The following NKAIN2 variants were observed in gnomAD, a reference collection of about 807,000 sequenced individuals.
The protein encoded by NKAIN2 is sodium/potassium-transporting ATPase subunit beta-1-interacting protein 2.
Under a neutral mutation model 32.6 loss-of-function variants are expected in NKAIN2, and 14 were observed. The observed-to-expected ratio is 0.43, with a 90% CI of 0.28 to 0.67. The LOEUF (loss-of-function observed/expected upper bound fraction) is 0.67, where lower values mean the gene tolerates loss of function less well. NKAIN2 is among the 30% of genes least tolerant of loss of function. The probability of loss-of-function intolerance (pLI) is 0.17; values close to 1 mark genes in which losing one functional copy is unlikely to be tolerated. For missense variants in NKAIN2, 198 were observed against 258.3 expected, an observed-to-expected ratio of 0.77 and a Z score of 1.60; for synonymous variants, 80 against 87.2, an observed-to-expected ratio of 0.92 and a Z score of 0.46.
intron 3 of NKAIN2, among the ~76,000 whole-genome samples, chr6:124,453,055 C>G (rs1371459234): frequency 6.6e-6 from 1 of 151,926 alleles, no homozygotes; most frequent in Non-Finnish European, 1.5e-5. Flanking sequence ...AGAACAGAGA[C>G]AGCATGGACA....
chr6:124,599,345 TA>T (rs950204148), intron 3 of NKAIN2, among the ~76,000 whole-genome samples: 65 of 151,834 alleles, frequency 4.3e-4, no homozygotes, highest in African/African-American at 1.5e-3. Flanking sequence ...ATCCTCTGTT[TA>T]AAAAAAAATC....
chr6:123,977,276 T>C (rs1778687844), intron 1 of NKAIN2, among the ~76,000 whole-genome samples: 1 of 152,168 alleles, frequency 6.6e-6, no homozygotes, highest in South Asian at 2.1e-4. Context: ...ATTTAAAAGG[T>C]GGTGTGTGCC....
At chr6:124,526,661 G>A (rs1049618069) in intron 3 of NKAIN2, among the ~76,000 whole-genome samples, 5 of 152,156 alleles carry the variant, frequency 3.3e-5, no homozygotes, top group African/African-American at 1.2e-4. Flanking sequence ...GAACCAGGAG[G>A]AAGCTGCAAG....
chr6:124,547,601 G>A (rs561108834), intron 3 of NKAIN2, among the ~76,000 whole-genome samples: 15 of 152,262 alleles, frequency 9.9e-5, no homozygotes, highest in African/African-American at 3.6e-4. Context: ...ACTGACATTT[G>A]AAATCACAGA....
chr6:124,582,408 C>T (rs1356750257), intron 3 of NKAIN2, among the ~76,000 whole-genome samples: 1 of 151,986 alleles, frequency 6.6e-6, no homozygotes, highest in Admixed American at 6.6e-5. Flanking sequence ...CAAGATTGAA[C>T]CAGGAAGAAA....
At position 124,742,198 on chromosome 6, in the gene NKAIN2, T is replaced by TA. The variant is rs1046657109; in HGVS notation, c.475-49135dup. On this transcript the variant is annotated intron_variant, in intron 4 of 6. Coordinates refer to ENST00000368417, the MANE Select transcript of NKAIN2 (RefSeq NM_001040214.3). Reference sequence around the variant, plus strand: ...GGTTACAGGGTACCCAGATAGAGGGTAAAAAACATTATTTCTGGATATGTC... The same window carrying TA: ...GGTTACAGGGTACCCAGATAGAGGGTAAAAAAACATTATTTCTGGATATGTC... Among the ~76,000 whole-genome samples, 8 of 151,804 alleles carry TA rather than the reference T, an allele frequency of 5.3e-5. No homozygotes were observed. The South Asian group carries it at 6.2e-4, about 12-fold the overall frequency.
intron 4 of NKAIN2, among the ~76,000 whole-genome samples, chr6:124,741,458 A>C (rs749011289): frequency 7.9e-5 from 12 of 152,008 alleles, no homozygotes; most frequent in East Asian, 1.9e-4. Flanking sequence ...TGAGTATTGA[A>C]GATGAATGCT....
At chr6:124,784,195 T>C (rs1779399706) in intron 4 of NKAIN2, among the ~76,000 whole-genome samples, 1 of 152,174 alleles carries the variant, frequency 6.6e-6, no homozygotes, top group Non-Finnish European at 1.5e-5. Flanking sequence ...ATAGATCATA[T>C]GCAATTATAT....
At chr6:123,853,465 CAAACA>C (rs1458833621) in intron 1 of NKAIN2, among the ~76,000 whole-genome samples, 1 of 152,040 alleles carries the variant, frequency 6.6e-6, no homozygotes, top group Non-Finnish European at 1.5e-5. Flanking sequence ...ATTCATTCTA[CAAACA>C]TTTATTATAT....
At chr6:123,889,488 C>T (rs1263004056) in intron 1 of NKAIN2, among the ~76,000 whole-genome samples, 2 of 152,112 alleles carry the variant, frequency 1.3e-5, no homozygotes, top group Non-Finnish European at 2.9e-5. Flanking sequence ...CTACTGGTGA[C>T]ATGACAGGCT....
At chr6:123,856,938 A>G (rs1195118860) in intron 1 of NKAIN2, among the ~76,000 whole-genome samples, 1 of 152,266 alleles carries the variant, frequency 6.6e-6, no homozygotes, top group African/African-American at 2.4e-5. Flanking sequence ...AAACAACAAC[A>G]TAAGACACAG....
intron 1 of NKAIN2, among the ~76,000 whole-genome samples, chr6:124,098,267 C>T (rs1304389746): frequency 6.6e-6 from 1 of 152,050 alleles, no homozygotes; most frequent in East Asian, 1.9e-4. Context: ...CATGATTTTC[C>T]ACATGACTTA....
At position 124,241,474 on chromosome 6, in the gene NKAIN2, G is replaced by A. The variant is rs189176593; in HGVS notation, c.55-41531G>A. Among the ~76,000 whole-genome samples, 170 of 152,128 alleles carry A rather than the reference G, an allele frequency of 1.1e-3. 1 individual carries two copies. The East Asian group carries it at 0.029, about 26-fold the overall frequency. Reference sequence around the variant, plus strand: ...AAAAGAACAAAGCTGGAGGCATCACGCTACCTGACTTCAAACTATAATATA... The same window carrying A: ...AAAAGAACAAAGCTGGAGGCATCACACTACCTGACTTCAAACTATAATATA... On this transcript the variant is annotated intron_variant, in intron 1 of 6. Transcript: ENST00000368417.
At chr6:124,504,650 C>T (rs1369167346) in intron 3 of NKAIN2, among the ~76,000 whole-genome samples, 1 of 152,136 alleles carries the variant, frequency 6.6e-6, no homozygotes, top group African/African-American at 2.4e-5. Context: ...GAATAGAAAA[C>T]ATTGAATTGA....
chr6:124,088,530 A>T (rs1488085069), intron 1 of NKAIN2, among the ~76,000 whole-genome samples: 1 of 152,044 alleles, frequency 6.6e-6, no homozygotes, highest in Non-Finnish European at 1.5e-5. Flanking sequence ...TTACTTACTG[A>T]AAAGTTTTTC....
At chr6:123,947,076 C>T (rs188709844) in intron 1 of NKAIN2, among the ~76,000 whole-genome samples, 6 of 152,302 alleles carry the variant, frequency 3.9e-5, no homozygotes, top group Admixed American at 3.3e-4. Context: ...GGATGGGAGT[C>T]GTACTGTGGC....
intron 4 of NKAIN2, among the ~76,000 whole-genome samples, chr6:124,781,249 T>A (rs1779251588): frequency 1.3e-5 from 2 of 152,126 alleles, no homozygotes; most frequent in South Asian, 4.1e-4. Flanking sequence ...AGTCCTCTCA[T>A]TATGTCTGAA....
chr6:124,455,551 G>T (rs1180446923), intron 3 of NKAIN2, among the ~76,000 whole-genome samples: 2 of 151,968 alleles, frequency 1.3e-5, no homozygotes, highest in Non-Finnish European at 2.9e-5. Context: ...TGACTATGAT[G>T]ATATTAAAGA....
intron 1 of NKAIN2, among the ~76,000 whole-genome samples, chr6:123,855,680 T>A (rs1775531279): frequency 6.6e-6 from 1 of 152,216 alleles, no homozygotes; most frequent in Non-Finnish European, 1.5e-5. Context: ...GAGACAGATA[T>A]GCTGGTGTTT....
Sources: allele counts gnomAD v4.1 joint callset (sites outside exome capture counted in the v4.1 genomes callset), GRCh38; gene constraint gnomAD v4.1.1; transcripts MANE v1.5; gene names NCBI Gene and HGNC (gene_info 2026-07-23, HGNC 2026-07-21).